Variants in KIAA0319 observed in about 807,000 individuals in gnomAD.
The protein encoded by KIAA0319 is KIAA0319, also known as dyslexia-associated protein KIAA0319.
A neutral mutation model predicts 108.4 loss-of-function variants in KIAA0319; 83 were observed. The observed-to-expected ratio is 0.77, with a 90% CI of 0.64 to 0.92. The LOEUF (loss-of-function observed/expected upper bound fraction) is 0.92, where lower values mean the gene tolerates loss of function less well. KIAA0319 is among the 40% of genes least tolerant of loss of function. The probability of loss-of-function intolerance (pLI) is 0.00; values close to 1 mark genes in which losing one functional copy is unlikely to be tolerated. For missense variants in KIAA0319, 1,195 were observed against 1,322.4 expected (o/e 0.90, Z 1.49); for synonymous variants, 484 against 510.4 (o/e 0.95, Z 0.70).
At chr6:24,636,042 G>T (rs9358783) in intron 1 of KIAA0319, among the ~76,000 whole-genome samples, 107,219 of 152,166 alleles carry the variant, frequency 0.7, 38,348 homozygotes, top group East Asian at 0.87. Flanking sequence ...TAAAAACAAA[G>T]GGAAGAAAGA....
chr6:24,564,473 G>A, intron 14 of KIAA0319, 133 bp from the exon 15 acceptor site: 1 of 1,117,046 alleles, frequency 9.0e-7, no homozygotes, highest in Admixed American at 2.2e-5. Flanking sequence ...TGCAGGGAAT[G>A]AGGCTGGCGG....
chr6:24,625,103 C>T (rs1582294204), intron 1 of KIAA0319, among the ~76,000 whole-genome samples: 1 of 152,314 alleles, frequency 6.6e-6, no homozygotes, highest in East Asian at 1.9e-4. Flanking sequence ...TTGTATAATA[C>T]AGTACCCCAT....
At chr6:24,581,972 C>T (rs1766622359) in intron 6 of KIAA0319, among the ~76,000 whole-genome samples, 2 of 152,168 alleles carry the variant, frequency 1.3e-5, no homozygotes, top group South Asian at 4.1e-4. Context: ...GGCGAAACCC[C>T]ACCTCTACAA....
intron 16 of KIAA0319, among the ~76,000 whole-genome samples, chr6:24,559,703 CT>C (rs1295650815): frequency 6.6e-6 from 1 of 151,060 alleles, no homozygotes; most frequent in Non-Finnish European, 1.5e-5. Context: ...TTCTTTTTAC[CT>C]TTTTTTGATT....
chr6:24,644,107 T>A (rs992615825), intron 1 of KIAA0319, among the ~76,000 whole-genome samples: 14 of 152,238 alleles, frequency 9.2e-5, no homozygotes, highest in Non-Finnish European at 1.9e-4. Context: ...ATTCTCCTCA[T>A]GTCTGCGTGG....
intron 1 of KIAA0319, among the ~76,000 whole-genome samples, chr6:24,634,052 T>C (rs1349589732): frequency 1.3e-5 from 2 of 152,152 alleles, no homozygotes; most frequent in Non-Finnish European, 2.9e-5. Context: ...TTAGATATTA[T>C]CAAAGGCAAG....
chr6:24,572,016 C>T (rs748574009), intron 11 of KIAA0319, among the ~76,000 whole-genome samples: 4 of 152,186 alleles, frequency 2.6e-5, no homozygotes, highest in African/African-American at 7.2e-5. Context: ...TATGTATTAG[C>T]GGCATAAATA....
Position 24,582,254 on chromosome 6 carries a change from A to C in KIAA0319, c.1186T>G (p.Ser396Ala), listed in dbSNP as rs780065635. 6.4e-7 allele frequency: 1 copy of C among 1,574,604 alleles called. No homozygotes were observed. Among genetic ancestry groups the C allele is most frequent in the African/African-American group, 1.4e-5 (1 of 74,056 alleles). ...ACCAGTCTCCAGTTACTTACTTGAG[A>C]GAGGTTAAGAGTTTGCTTGTGTCCT... ...KQGHKQTLNL[S>A]QLSVGLYVFK... Residue 396 changes from serine (S) to alanine (A), a missense_variant, in exon 6 of 21, where the codon TCT becomes GCT. Coordinates refer to ENST00000378214, the MANE Select transcript of KIAA0319 (RefSeq NM_014809.4).
chr6:24,611,476 G>C (rs1301094036), intron 1 of KIAA0319, among the ~76,000 whole-genome samples: 1 of 152,106 alleles, frequency 6.6e-6, no homozygotes, highest in African/African-American at 2.4e-5. Context: ...TCTAGCCCGG[G>C]CGACAGAGAA....
intron 1 of KIAA0319, among the ~76,000 whole-genome samples, chr6:24,607,217 A>T (rs2127544830): frequency 6.6e-6 from 1 of 152,264 alleles, no homozygotes; most frequent in African/African-American, 2.4e-5. Flanking sequence ...TTAGCTGGGC[A>T]TGGTGGCACA....
Position 24,599,960 on chromosome 6 carries a change from A to G in KIAA0319, c.55+1089T>C, listed in dbSNP as rs933508803. Among the ~76,000 whole-genome samples the G allele has an allele frequency of 4.6e-5, 7 of 152,100 alleles. No individual in the cohort carries two copies. Among genetic ancestry groups the G allele is most frequent in the Non-Finnish European group, 1.5e-5 (1 of 68,034 alleles). ...CTGCCTGGGGTATCCCCCTTTGCCC[A>G]TGCCTCCAGCTACAAAACAATTCAA... On this transcript the variant is annotated intron_variant, in intron 2 of 20. Coordinates refer to ENST00000378214, the MANE Select transcript of KIAA0319 (RefSeq NM_014809.4). This position sits in a 1 kb window ranked among gnomAD's most constrained non-coding sequence, Gnocchi z 4.1.
intron 13 of KIAA0319, 48 bp from the exon 14 acceptor site, chr6:24,566,796 C>G: frequency 6.6e-7 from 1 of 1,511,018 alleles, no homozygotes; most frequent in Non-Finnish European, 9.0e-7. Flanking sequence ...ATTTAAAACA[C>G]CAGTGATAGA....
intron 16 of KIAA0319, among the ~76,000 whole-genome samples, chr6:24,559,707 T>C (rs1012179544): frequency 3.3e-5 from 5 of 152,256 alleles, no homozygotes; most frequent in Non-Finnish European, 7.3e-5. Flanking sequence ...TTTTACCTTT[T>C]TTTGATTGAG....
chr6:24,582,474 CTT>C (rs72007936), intron 5 of KIAA0319, 128 bp from the exon 6 acceptor site: 624 of 217,622 alleles, frequency 2.9e-3, no homozygotes, highest in East Asian at 6.0e-3. Context: ...ACTCAGCTTT[CTT>C]TTTTTTTTTT....
Position 24,583,684 on chromosome 6 carries a change from G to T in KIAA0319, c.1013C>A (p.Ser338Ter). 6.2e-7 allele frequency: 1 copy of T among 1,611,304 alleles called. No individual in the cohort carries two copies. Residue 338 changes from serine to a stop codon, truncating the protein, a stop_gained, in exon 5 of 21, where the codon TCG becomes TAG. Transcript: ENST00000378214. LOFTEE classifies it high-confidence loss of function. ...AGTTATAATTAGGTTATCTCCAGCCGATACCGTAAGTTCTTTCACTAAAAG... is the reference window on the plus strand; with the variant it reads ...AGTTATAATTAGGTTATCTCCAGCCTATACCGTAAGTTCTTTCACTAAAAG... Reference protein sequence around the residue: ...APRTVKELTVSAGDNLIITLP... With the variant: ...APRTVKELTV
chr6:24,588,064 C>T (rs945086990), intron 4 of KIAA0319, among the ~76,000 whole-genome samples: 8 of 152,208 alleles, frequency 5.3e-5, no homozygotes, highest in Admixed American at 1.3e-4. Context: ...ACAGTTCTTC[C>T]GAAATGTCCC....
At chr6:24,542,815 CCAGAGTTCACCTGAACCAGTCAAT>C (rs774791289), downstream of KIAA0319, among the ~76,000 whole-genome samples, 4 of 152,210 alleles carry the variant, frequency 2.6e-5, no homozygotes, top group Admixed American at 6.5e-5. Flanking sequence ...TTTGGGAACT[CCAGAGTTCACCTGAACCAGTCAAT>C]CAGAGCTCAC....
At chr6:24,623,868 T>C (rs1774305669) in intron 1 of KIAA0319, among the ~76,000 whole-genome samples, 1 of 152,140 alleles carries the variant, frequency 6.6e-6, no homozygotes, top group Admixed American at 6.6e-5. Context: ...TTATACATTG[T>C]ATGCTTGTGT....
Position 24,559,131 on chromosome 6 carries a change from C to G in KIAA0319, c.2616G>C (p.Gln872His), listed in dbSNP as rs529493151. ...TGAGAACCTTGAAAGGCGGCCTGCT[C>G]TGTACATAAAACACAATCACGGTGC... ...DLSTVIVFYV[Q>H]SRPPFKVLKA... Residue 872 changes from glutamine (Q) to histidine (H), a missense_variant, in exon 17 of 21, where the codon CAG (glutamine) becomes CAC (histidine). By Grantham distance (24) the Gln-to-His change is conservative (BLOSUM62 0). Coordinates refer to ENST00000378214, the MANE Select transcript of KIAA0319 (RefSeq NM_014809.4). The G allele has an allele frequency of 1.2e-6, 2 of 1,613,404 alleles. No individual in the cohort carries two copies. The highest frequency in any genetic ancestry group is 2.7e-5 in the African/African-American group (2 of 75,030).
Sources: gnomAD v4.1 joint callset for allele counts (sites outside exome capture counted in the v4.1 genomes callset) on GRCh38, gnomAD v4.1.1 for gene constraint, Gnocchi (gnomAD v3.1) non-coding constraint, MANE v1.5 for transcripts, NCBI Gene and HGNC (gene_info 2026-07-23, HGNC 2026-07-21) for gene names.